Variants in DGKB observed in about 807,000 individuals in gnomAD.
DGKB encodes 90 kDa diacylglycerol kinase.
Under a neutral mutation model 114.3 loss-of-function variants are expected in DGKB, and 67 were observed. That is an observed-to-expected ratio of 0.59 (90% CI 0.48 to 0.72). The LOEUF is 0.72. DGKB is among the 30% of genes least tolerant of loss of function. DGKB has a pLI of 0.00. For synonymous variants in DGKB, 398 were observed against 323.1 expected (o/e 1.23, Z -2.49); for missense variants, 907 against 975.2 (o/e 0.93, Z 0.93).
At chr7:14,558,219 T>C (rs925731495) in intron 20 of DGKB, among the ~76,000 whole-genome samples, 1 of 151,412 alleles carries the variant, frequency 6.6e-6, no homozygotes, top group Non-Finnish European at 1.5e-5. Flanking sequence ...TATATCATAA[T>C]TACAGCATTG....
intron 25 of DGKB, among the ~76,000 whole-genome samples, chr7:14,170,794 G>A (rs773696825): frequency 6.6e-6 from 1 of 152,156 alleles, no homozygotes; most frequent in Non-Finnish European, 1.5e-5. Flanking sequence ...TGTGTGAAAA[G>A]AAGTGTCAAA....
chr7:14,755,484 G>A (rs774104744), intron 3 of DGKB, among the ~76,000 whole-genome samples: 1 of 152,020 alleles, frequency 6.6e-6, no homozygotes, highest in Non-Finnish European at 1.5e-5. Flanking sequence ...CCAAATTCAG[G>A]TTGCATTACT....
At chr7:14,328,435 G>A (rs1809136689) in intron 23 of DGKB, among the ~76,000 whole-genome samples, 1 of 151,926 alleles carries the variant, frequency 6.6e-6, no homozygotes, top group Non-Finnish European at 1.5e-5. Context: ...GCTTTGACAT[G>A]TTTAAAAAGG....
chr7:14,696,082 C>T (rs568092075), intron 8 of DGKB, among the ~76,000 whole-genome samples: 1 of 152,146 alleles, frequency 6.6e-6, no homozygotes, highest in African/African-American at 2.4e-5. Context: ...TACTCAGCCA[C>T]CAGCTTTCCC....
chr7:14,416,235 T>C (rs1456066325), intron 21 of DGKB, among the ~76,000 whole-genome samples: 2 of 152,030 alleles, frequency 1.3e-5, no homozygotes, highest in African/African-American at 2.4e-5. Context: ...TATATTTTTA[T>C]ATAGGGTTTA....
chr7:14,622,972 C>A (rs1478511798), intron 14 of DGKB, among the ~76,000 whole-genome samples: 14 of 152,078 alleles, frequency 9.2e-5, no homozygotes, highest in Non-Finnish European at 2.1e-4. Context: ...ATTATTACAA[C>A]CTAAAGTATT....
chr7:14,687,429 A>C (rs1178392055), intron 9 of DGKB, among the ~76,000 whole-genome samples: 1 of 152,158 alleles, frequency 6.6e-6, no homozygotes, highest in African/African-American at 2.4e-5. Flanking sequence ...AAACCTAAGA[A>C]ATAGGCTTTG....
At chr7:14,149,387 A>G (rs1781851390) in intron 25 of DGKB, 149 bp from the exon 26 acceptor site, 2 of 602,632 alleles carry the variant, frequency 3.3e-6, no homozygotes, top group South Asian at 2.3e-5. Flanking sequence ...CAGAGTTTCT[A>G]TTATTTCAAA....
intron 20 of DGKB, among the ~76,000 whole-genome samples, chr7:14,507,416 C>T (rs970742076): frequency 6.6e-6 from 1 of 152,052 alleles, no homozygotes; most frequent in African/African-American, 2.4e-5. Flanking sequence ...CTTTAATGTG[C>T]CGTGTGAAAG....
At chr7:14,869,631 A>G (rs543700228) in intron 1 of DGKB, among the ~76,000 whole-genome samples, 3 of 152,282 alleles carry the variant, frequency 2.0e-5, no homozygotes, top group African/African-American at 7.2e-5. Context: ...CTGTCAGTTT[A>G]TTCTCACTGA....
At chr7:14,762,093 T>C (rs1835784446) in intron 2 of DGKB, among the ~76,000 whole-genome samples, 1 of 152,150 alleles carries the variant, frequency 6.6e-6, no homozygotes, top group Non-Finnish European at 1.5e-5. Flanking sequence ...AGTAATTTAA[T>C]ACTATACCAA....
upstream of DGKB, among the ~76,000 whole-genome samples, chr7:14,904,059 T>TA (rs1028238550): frequency 5.3e-5 from 8 of 152,162 alleles, no homozygotes; most frequent in Non-Finnish European, 7.4e-5. Flanking sequence ...CATATTCTCA[T>TA]AAAAAATATG....
chr7:14,787,573 G>C (rs1266470791), intron 2 of DGKB, among the ~76,000 whole-genome samples: 1 of 152,168 alleles, frequency 6.6e-6, no homozygotes, highest in African/African-American at 2.4e-5. Flanking sequence ...TGCATAAAAA[G>C]AAAACAACAG....
intron 2 of DGKB, among the ~76,000 whole-genome samples, chr7:14,825,012 GTATGTA>G (rs1329550518): frequency 1.6e-5 from 1 of 60,844 alleles, no homozygotes; most frequent in South Asian, 5.9e-4. Flanking sequence ...ATATGTATGT[GTATGTA>G]TATATATATA....
At chr7:14,851,613 C>G (rs1210895026) in intron 1 of DGKB, among the ~76,000 whole-genome samples, 1 of 152,172 alleles carries the variant, frequency 6.6e-6, no homozygotes, top group Non-Finnish European at 1.5e-5. Flanking sequence ...TCTATGGCTT[C>G]TCCCCTTGCA....
intron 21 of DGKB, among the ~76,000 whole-genome samples, chr7:14,458,442 C>T (rs1227595593): frequency 6.6e-6 from 1 of 152,282 alleles, no homozygotes; most frequent in Non-Finnish European, 1.5e-5. Flanking sequence ...CTGTCTGCAG[C>T]TCCCAGCGAA....
intron 21 of DGKB, among the ~76,000 whole-genome samples, chr7:14,403,000 C>T (rs2128729309): frequency 6.6e-6 from 1 of 152,010 alleles, no homozygotes; most frequent in East Asian, 1.9e-4. Flanking sequence ...TCCACAATAG[C>T]ATGATCCAAT....
At chr7:14,668,438 T>C (rs1818413392) in intron 13 of DGKB, among the ~76,000 whole-genome samples, 2 of 152,128 alleles carry the variant, frequency 1.3e-5, no homozygotes, top group Non-Finnish European at 2.9e-5. Context: ...TCTGGAGTGA[T>C]AACCACTCGG....
intron 2 of DGKB, among the ~76,000 whole-genome samples, chr7:14,776,268 A>G (rs574424960): frequency 1.3e-5 from 2 of 152,318 alleles, no homozygotes; most frequent in South Asian, 4.1e-4. Flanking sequence ...ATGATGCGAT[A>G]AAAAAATAAA....
Sources: allele counts gnomAD v4.1 joint callset (sites outside exome capture counted in the v4.1 genomes callset), GRCh38; gene constraint gnomAD v4.1.1; transcripts MANE v1.5; gene names NCBI Gene and HGNC (gene_info 2026-07-23, HGNC 2026-07-21).